The following CCDC171 variants were observed in gnomAD, a reference collection of about 807,000 sequenced individuals.
CCDC171 encodes coiled-coil domain-containing protein 171.
In CCDC171, 177 loss-of-function variants were observed where a neutral mutation model predicts 168.2. The ratio of observed to expected loss-of-function variants is 1.05; its 90% CI spans 0.93 to 1.19. The LOEUF (loss-of-function observed/expected upper bound fraction) is 1.19. CCDC171 is among the 50% of genes most tolerant of loss of function. The pLI is 0.00. For synonymous variants in CCDC171, 687 were observed against 540.8 expected, an observed-to-expected ratio of 1.27 and a Z score of -3.75; for missense variants, 1,991 against 1,539.0, an observed-to-expected ratio of 1.29 and a Z score of -4.91.
chr9:15,571,745 A>G lies in CCDC171; in HGVS notation c.163A>G (p.Lys55Glu). Residue 55 changes from lysine (K) to glutamate (E), a missense_variant, in exon 3 of 26, where the codon AAA (lysine) becomes GAA (glutamate). Coordinates refer to ENST00000380701, the MANE Select transcript of CCDC171 (RefSeq NM_173550.4). ...AAAAGAAAAGTTAGAAATAACAACCAAACACAATGCAGAGGTACGATTTAT... is the reference window on the plus strand; with the variant it reads ...AAAAGAAAAGTTAGAAATAACAACCGAACACAATGCAGAGGTACGATTTAT... ...AKKEKLEITT[K>E]HNAELASYES... 1.9e-6 allele frequency: 3 copies of G among 1,584,780 alleles called. No homozygotes were observed. Among genetic ancestry groups the G allele is most frequent in the Non-Finnish European group, 2.6e-6 (3 of 1,172,956 alleles).
intron 4 of CCDC171, among the ~76,000 whole-genome samples, chr9:15,580,001 G>A (rs1489497925): frequency 6.6e-6 from 1 of 152,138 alleles, no homozygotes. Flanking sequence ...GGTTCTACAT[G>A]GTACTGGTAT....
At chr9:15,854,084 C>T (rs959799624) in intron 23 of CCDC171, among the ~76,000 whole-genome samples, 30 of 145,754 alleles carry the variant, frequency 2.1e-4, no homozygotes, top group African/African-American at 7.3e-4. Context: ...ATATCTTTGT[C>T]GGGCTTTAGG....
intron 2 of CCDC171, among the ~76,000 whole-genome samples, chr9:15,566,176 C>G (rs2039710880): frequency 6.7e-6 from 1 of 150,260 alleles, no homozygotes; most frequent in Admixed American, 6.6e-5. Flanking sequence ...CTCTTCAGAT[C>G]TGTTTATTTT....
rs1057233390 is a variant in CCDC171, at chr9:16,001,463, G to T, written n.369-19126G>T. 7.1e-4 allele frequency among the ~76,000 whole-genome samples: 108 copies of T among 152,020 alleles called. 1 individual carries two copies. Among genetic ancestry groups the T allele is most frequent in the African/African-American group, 2.4e-3 (99 of 41,378 alleles). On this transcript the variant is annotated intron_variant and non_coding_transcript_variant, in intron 3 of 9. Coordinates refer to the CCDC171 transcript ENST00000486641. ...TGCATATAAGTATTTACGGTAGGGT[G>T]TGTGTGTGGGCGGGGGTAGGGAGTT...
chr9:16,076,600 C>T, the CCDC171 span, among the ~76,000 whole-genome samples: 1 of 152,192 alleles, frequency 6.6e-6, no homozygotes, highest in Non-Finnish European at 1.5e-5. Context: ...CTCTCTCCGC[C>T]CCACTCAGCC....
At chr9:15,676,781 G>T (rs1023212712) in intron 9 of CCDC171, among the ~76,000 whole-genome samples, 1 of 151,940 alleles carries the variant, frequency 6.6e-6, no homozygotes, top group African/African-American at 2.4e-5. Flanking sequence ...TCAGCTGGCC[G>T]TTCATTCAGT....
intron 10 of CCDC171, among the ~76,000 whole-genome samples, chr9:15,686,867 C>T (rs2050431576): frequency 6.6e-6 from 1 of 152,100 alleles, no homozygotes; most frequent in African/African-American, 2.4e-5. Context: ...AGAATATCAC[C>T]AAATAAATAG....
intron 24 of CCDC171, among the ~76,000 whole-genome samples, chr9:15,890,500 A>G (rs779944451): frequency 2.6e-4 from 39 of 151,986 alleles, no homozygotes; most frequent in Middle Eastern, 3.4e-3. Flanking sequence ...TTTAATCTGC[A>G]AAATGGGGAT....
At chr9:15,639,106 C>G (rs2046409263) in intron 7 of CCDC171, among the ~76,000 whole-genome samples, 1 of 151,982 alleles carries the variant, frequency 6.6e-6, no homozygotes, top group Non-Finnish European at 1.5e-5. Flanking sequence ...TGCGTACTAT[C>G]TTCAACTGAA....
At chr9:15,685,976 T>C (rs1478221546) in intron 10 of CCDC171, among the ~76,000 whole-genome samples, 1 of 152,170 alleles carries the variant, frequency 6.6e-6, no homozygotes, top group African/African-American at 2.4e-5. Flanking sequence ...TTTTTGCTCT[T>C]TGAAAAATTT....
intron 7 of CCDC171, among the ~76,000 whole-genome samples, chr9:15,632,704 G>A (rs935846272): frequency 1.3e-5 from 2 of 152,138 alleles, no homozygotes; most frequent in Non-Finnish European, 2.9e-5. Flanking sequence ...AAAAGAGCCT[G>A]CATCGCCAAG....
the CCDC171 span, among the ~76,000 whole-genome samples, chr9:16,106,661 C>A: frequency 0.43 from 65,701 of 152,128 alleles, 17,104 homozygotes; most frequent in African/African-American, 0.73. Flanking sequence ...GTCAGATCTT[C>A]CGCCTAACAA....
chr9:15,630,450 A>G lies in CCDC171; in HGVS notation c.822+7037A>G, dbSNP rs867133090. On this transcript the variant is annotated intron_variant, in intron 7 of 25. Coordinates refer to ENST00000380701, the MANE Select transcript of CCDC171 (RefSeq NM_173550.4). The stretch of plus-strand genomic sequence containing the variant: ...AAGAAGGCCATTACATAATGGTAAA[A>G]GGATCAATTCAACAAGAAGAGCTAA... 8.1e-4 allele frequency among the ~76,000 whole-genome samples: 124 copies of G among 152,240 alleles called. 2 individuals are homozygous for G. The highest frequency in any genetic ancestry group is 2.2e-3 in the African/African-American group (91 of 41,558).
Position 15,728,011 on chromosome 9 carries a change from C to T in CCDC171, c.1835C>T (p.Ala612Val). Residue 612 changes from alanine (A) to valine (V), a missense_variant, in exon 15 of 26, where the codon GCA becomes GTA. By Grantham distance (64) the Ala-to-Val change is moderately conservative (BLOSUM62 0). Coordinates refer to ENST00000380701, the MANE Select transcript of CCDC171 (RefSeq NM_173550.4). ...CAGGAGAATGTTGATGCCCTGATTG[C>T]AGACCTCAACAGGGCTAATGAGAAG... is the stretch of plus-strand genomic sequence containing the variant. ...VLQENVDALIADLNRANEKIR... is the reference protein window; with the variant it reads ...VLQENVDALIVDLNRANEKIR... The T allele has an allele frequency of 6.2e-7, 1 of 1,612,330 alleles. No individual in the cohort carries two copies. Among genetic ancestry groups the T allele is most frequent in the Non-Finnish European group, 8.5e-7 (1 of 1,179,070 alleles).
intron 11 of CCDC171, among the ~76,000 whole-genome samples, chr9:15,718,666 T>A (rs1270854198): frequency 6.6e-6 from 1 of 151,936 alleles, no homozygotes; most frequent in African/African-American, 2.4e-5. Context: ...GCAACAAGAG[T>A]CTCTATGTAG....
At chr9:16,090,265 T>C in the CCDC171 span, among the ~76,000 whole-genome samples, 31 of 152,344 alleles carry the variant, frequency 2.0e-4, no homozygotes, top group Non-Finnish European at 4.4e-4. Context: ...TTCATGTCCT[T>C]TGCAGGGACA....
chr9:16,102,934 A>C, the CCDC171 span, among the ~76,000 whole-genome samples: 1 of 152,082 alleles, frequency 6.6e-6, no homozygotes, highest in Admixed American at 6.5e-5. Context: ...TCAGCTTTTA[A>C]TCTTCTCAAT....
rs201880724 is a variant in CCDC171, at chr9:15,904,647, T to A, written c.3601-15623T>A. ...AAAATAACCAGCTAACATCATAATGTCAGGATCAAATTCACACATAACAAT... is the reference window on the plus strand; with the variant it reads ...AAAATAACCAGCTAACATCATAATGACAGGATCAAATTCACACATAACAAT... On this transcript the variant is annotated intron_variant, in intron 24 of 25. Coordinates refer to ENST00000380701, the MANE Select transcript of CCDC171 (RefSeq NM_173550.4). 3.7e-4 allele frequency among the ~76,000 whole-genome samples: 56 copies of A among 152,196 alleles called. No individual in the cohort carries two copies. The South Asian group carries it at 4.1e-3, about 11-fold the overall frequency.
chr9:15,993,222 G>A (rs1427884527), intron 3 of CCDC171, among the ~76,000 whole-genome samples: 2 of 151,918 alleles, frequency 1.3e-5, no homozygotes, highest in Admixed American at 1.3e-4. Flanking sequence ...AAGCAAAACA[G>A]CATGGTACTG....
Sources: allele counts gnomAD v4.1 joint callset (sites outside exome capture counted in the v4.1 genomes callset), GRCh38; gene constraint gnomAD v4.1.1; transcripts MANE v1.5; gene names NCBI Gene and HGNC (gene_info 2026-07-23, HGNC 2026-07-21).